MAPK6: variants seen among roughly 807,000 people sequenced by gnomAD.
MAPK6 encodes ERK-3.
Under a neutral mutation model 59.3 loss-of-function variants are expected in MAPK6, and 19 were observed. The observed-to-expected ratio is 0.32, with a 90% CI of 0.22 to 0.47. The LOEUF (loss-of-function observed/expected upper bound fraction) is 0.47. Ranked by LOEUF, MAPK6 falls within the 20% of genes least tolerant of loss-of-function variation. The pLI, the probability that MAPK6 is intolerant of heterozygous loss-of-function variation, is 1.00. For synonymous variants in MAPK6, 316 were observed against 290.3 expected (o/e 1.09, Z -0.90); for missense variants, 724 against 847.9 (o/e 0.85, Z 1.81).
chr15:52,030,918 A>T (rs2031005030), intron 1 of MAPK6, among the ~76,000 whole-genome samples: 3 of 151,114 alleles, frequency 2.0e-5, no homozygotes, highest in Admixed American at 2.0e-4. Context: ...CAGCCTCCTG[A>T]GTGGCTGGGA....
intron 5 of MAPK6, among the ~76,000 whole-genome samples, chr15:52,063,118 A>G (rs1162033596): frequency 3.3e-5 from 5 of 152,042 alleles, no homozygotes; most frequent in African/African-American, 1.2e-4. Context: ...GCCAGGCTGG[A>G]GTGCAATGGT....
At chr15:51,988,828 G>A (rs1229479000) in intron 2 of MAPK6, among the ~76,000 whole-genome samples, 2 of 151,930 alleles carry the variant, frequency 1.3e-5, no homozygotes, top group East Asian at 3.9e-4. Flanking sequence ...AGTATCACTG[G>A]GTCAAATAAA....
chr15:52,061,273 A>T lies in MAPK6; in HGVS notation c.866-26A>T, dbSNP rs770325874. On this transcript the variant is annotated intron_variant, in intron 4 of 5. Transcript: ENST00000261845. ...TCTAAAGGTAAGCAATTCTTTTCTG[A>T]AAAACTTTTACCTTTTCCTCTGCAG... 1.3e-5 allele frequency: 20 copies of T among 1,581,238 alleles called. No individual in the cohort carries two copies. The East Asian group carries it at 4.2e-4, about 34-fold the overall frequency.
At chr15:52,016,109 A>ACACACACACACAC, upstream of MAPK6, among the ~76,000 whole-genome samples, 1 of 48,324 alleles carries the variant, frequency 2.1e-5, no homozygotes, top group Non-Finnish European at 4.9e-5. Flanking sequence ...CACACACACA[A>ACACACACACACAC]ACTAAAACTG....
intron 1 of MAPK6, among the ~76,000 whole-genome samples, chr15:51,978,368 A>C (rs1206057691): frequency 6.6e-6 from 1 of 151,928 alleles, no homozygotes; most frequent in African/African-American, 2.4e-5. Context: ...TCCTGACCTC[A>C]GGTGATCCAC....
chr15:52,004,867 C>T (rs1479763131), intron 3 of MAPK6, among the ~76,000 whole-genome samples: 1 of 152,130 alleles, frequency 6.6e-6, no homozygotes, highest in African/African-American at 2.4e-5. Context: ...TTGGGGAACA[C>T]GTTCAAACCA....
At chr15:52,033,182 G>T (rs1454995366) in intron 1 of MAPK6, among the ~76,000 whole-genome samples, 3 of 152,196 alleles carry the variant, frequency 2.0e-5, no homozygotes, top group Non-Finnish European at 4.4e-5. Flanking sequence ...ATTCTGGTGT[G>T]ATGGTTAGTA....
At chr15:52,050,648 ATTAT>A (rs2031748442) in intron 3 of MAPK6, among the ~76,000 whole-genome samples, 1 of 152,224 alleles carries the variant, frequency 6.6e-6, no homozygotes, top group Admixed American at 6.5e-5. Context: ...TCTGTATAAA[ATTAT>A]TTAGTATAGA....
In MAPK6 at chr15:52,019,242, C is replaced by A. The variant is rs1301634439; in HGVS notation, c.-766C>A. 1 of 152,090 alleles carries A rather than the reference C, an allele frequency of 6.6e-6. No homozygotes were observed. The highest frequency in any genetic ancestry group is 1.5e-5 in the Non-Finnish European group (1 of 68,014). 9.4% of individuals were successfully genotyped at this position (152,090 alleles called of 1,614,324 possible). On this transcript the variant is annotated 5_prime_UTR_variant, in exon 1 of 6. Coordinates refer to ENST00000261845, the MANE Select transcript of MAPK6 (RefSeq NM_002748.4). ...CTCTTCCTCGCCCTCTCTCGCGGGT[C>A]GGGGTTACATGGCGGCGACTGCGGC...
chr15:51,990,570 C>T (rs1005580592), intron 2 of MAPK6, among the ~76,000 whole-genome samples: 2 of 151,964 alleles, frequency 1.3e-5, no homozygotes, highest in Non-Finnish European at 2.9e-5. Flanking sequence ...AATCCCAGTG[C>T]TTTCGGAGGC....
chr15:51,984,083 A>G (rs946130622), intron 2 of MAPK6, among the ~76,000 whole-genome samples: 1 of 152,094 alleles, frequency 6.6e-6, no homozygotes, highest in Non-Finnish European at 1.5e-5. Flanking sequence ...TTTGTTTATA[A>G]TAGCCAGAAA....
At chr15:51,977,160 G>T (rs765763314) in intron 1 of MAPK6, among the ~76,000 whole-genome samples, 1 of 150,832 alleles carries the variant, frequency 6.6e-6, no homozygotes. Context: ...ACACCACCAC[G>T]CCCGGCTAAT....
chr15:52,035,318 T>G (rs922403813), intron 1 of MAPK6, among the ~76,000 whole-genome samples: 1 of 152,188 alleles, frequency 6.6e-6, no homozygotes, highest in Admixed American at 6.5e-5. Flanking sequence ...CTTTTCTGCC[T>G]TGCCCTCAGA....
At chr15:51,982,679 GT>G (rs2057178215) in intron 1 of MAPK6, among the ~76,000 whole-genome samples, 1 of 150,962 alleles carries the variant, frequency 6.6e-6, no homozygotes, top group African/African-American at 2.4e-5. Flanking sequence ...TTTTTCCCAA[GT>G]AAAAAAAAAT....
chr15:52,006,869 G>A (rs1201978199), intron 3 of MAPK6, among the ~76,000 whole-genome samples: 4 of 152,082 alleles, frequency 2.6e-5, no homozygotes, highest in Admixed American at 1.3e-4. Flanking sequence ...AGCTAGGAAG[G>A]TACAGACAGT....
chr15:51,990,613 C>T (rs2057205029), intron 2 of MAPK6, among the ~76,000 whole-genome samples: 1 of 151,694 alleles, frequency 6.6e-6, no homozygotes, highest in Non-Finnish European at 1.5e-5. Flanking sequence ...GTTGGGAGTT[C>T]GAGACCAGCC....
At chr15:52,033,343 A>T (rs1595986350) in intron 1 of MAPK6, among the ~76,000 whole-genome samples, 1 of 151,850 alleles carries the variant, frequency 6.6e-6, no homozygotes, top group Non-Finnish European at 1.5e-5. Context: ...GTGGGTGGGC[A>T]CCATCCAATT....
chr15:52,048,579 G>C (rs1443391650), intron 2 of MAPK6, among the ~76,000 whole-genome samples: 2 of 152,176 alleles, frequency 1.3e-5, no homozygotes, highest in African/African-American at 4.8e-5. Flanking sequence ...ATGCACTCCA[G>C]CCTGGGCAAC....
intron 5 of MAPK6, among the ~76,000 whole-genome samples, chr15:52,062,109 CCAGGCTAGAGTG>C (rs1284113858): frequency 2.0e-5 from 3 of 149,694 alleles, no homozygotes; most frequent in Non-Finnish European, 4.4e-5. Flanking sequence ...ACTCTGTCAC[CCAGGCTAGAGTG>C]CAGGCTGGAG....
Sources: gnomAD v4.1 joint callset for allele counts (sites outside exome capture counted in the v4.1 genomes callset) on GRCh38, gnomAD v4.1.1 for gene constraint, MANE v1.5 for transcripts, NCBI Gene and HGNC (gene_info 2026-07-23, HGNC 2026-07-21) for gene names.